ARHGAP24: variants seen among roughly 807,000 people sequenced by gnomAD.
ARHGAP24 encodes the protein rho GTPase-activating protein 24.
Under a neutral mutation model 76.4 loss-of-function variants are expected in ARHGAP24, and 50 were observed. The observed-to-expected ratio is 0.65, with a 90% CI of 0.52 to 0.83. The LOEUF is 0.83. Ranked by LOEUF, ARHGAP24 falls within the 40% of genes least tolerant of loss-of-function variation. The pLI is 0.00. For synonymous variants in ARHGAP24, 345 were observed against 323.3 expected (o/e 1.07, Z -0.72); for missense variants, 930 against 914.2 (o/e 1.02, Z -0.22).
intron 1 of ARHGAP24, among the ~76,000 whole-genome samples, chr4:85,567,093 C>T (rs1726880478): frequency 6.6e-6 from 1 of 152,172 alleles, no homozygotes; most frequent in East Asian, 1.9e-4. Context: ...TGATTCAGAG[C>T]CTTATAGGCC....
chr4:85,520,006 G>A (rs907977364), intron 1 of ARHGAP24, among the ~76,000 whole-genome samples: 15 of 151,908 alleles, frequency 9.9e-5, no homozygotes, highest in Non-Finnish European at 1.9e-4. Context: ...GTTTACTTTA[G>A]TGATGATTTA....
At chr4:85,872,075 G>T (rs761061898) in intron 3 of ARHGAP24, among the ~76,000 whole-genome samples, 2 of 151,276 alleles carry the variant, frequency 1.3e-5, no homozygotes, top group Non-Finnish European at 2.9e-5. Context: ...AAAAATATTC[G>T]TGAATTATTT....
Position 85,995,121 on chromosome 4 carries a change from C to G in ARHGAP24, c.1467C>G (p.Ser489Arg). The G allele has an allele frequency of 1.2e-6, 2 of 1,613,904 alleles. No individual in the cohort carries two copies. Among genetic ancestry groups the G allele is most frequent in the Non-Finnish European group, 1.7e-6 (2 of 1,179,988 alleles). The part of the protein sequence containing the change: ...NGTVRMGILN[S>R]DTLGNPTNVR... ...CGGTGCGCATGGGCATTTTGAACAGCGACACACTCGGGAACCCCACAAATG... is the reference window on the plus strand; with the variant it reads ...CGGTGCGCATGGGCATTTTGAACAGGGACACACTCGGGAACCCCACAAATG... Residue 489 changes from serine to arginine, a missense_variant, in exon 9 of 10, where the codon AGC (serine) becomes AGG (arginine). By Grantham distance (110) the Ser-to-Arg change is moderately radical (BLOSUM62 -1). Coordinates refer to ENST00000395184, the MANE Select transcript of ARHGAP24 (RefSeq NM_001025616.3).
At chr4:85,477,594 A>T (rs1424112884) in intron 1 of ARHGAP24, among the ~76,000 whole-genome samples, 3 of 152,134 alleles carry the variant, frequency 2.0e-5, no homozygotes, top group Non-Finnish European at 2.9e-5. Flanking sequence ...GTGATCTTGG[A>T]CTCTGCAGGG....
intron 3 of ARHGAP24, among the ~76,000 whole-genome samples, chr4:85,892,134 T>C (rs1733911802): frequency 1.8e-5 from 1 of 56,272 alleles, no homozygotes; most frequent in Admixed American, 1.7e-4. Flanking sequence ...CTAGATTTTC[T>C]AGTTTATTTG....
chr4:85,809,715 C>A (rs6816097), intron 3 of ARHGAP24, among the ~76,000 whole-genome samples: 2,242 of 152,230 alleles, frequency 0.015, 57 homozygotes, highest in African/African-American at 0.051. Flanking sequence ...TAAGGCTTTT[C>A]AGATCAGAGG....
chr4:85,756,752 G>A (rs1012148060), intron 3 of ARHGAP24, among the ~76,000 whole-genome samples: 18 of 152,056 alleles, frequency 1.2e-4, no homozygotes, highest in African/African-American at 4.3e-4. Context: ...AAGGTGTTTC[G>A]GCTCCTGCAG....
At chr4:85,916,963 CAGGTTAGTT>C (rs1560716039) in intron 3 of ARHGAP24, among the ~76,000 whole-genome samples, 1 of 151,890 alleles carries the variant, frequency 6.6e-6, no homozygotes, top group African/African-American at 2.4e-5. Context: ...GCACGATGTG[CAGGTTAGTT>C]ACATATGTAT....
chr4:85,735,112 C>T (rs888291860), intron 3 of ARHGAP24, among the ~76,000 whole-genome samples: 4 of 152,010 alleles, frequency 2.6e-5, no homozygotes, highest in African/African-American at 9.7e-5. Context: ...CTGTTTTTAT[C>T]TTGTTATGTA....
At chr4:85,943,656 G>T (rs1234343758) in intron 5 of ARHGAP24, among the ~76,000 whole-genome samples, 1 of 151,930 alleles carries the variant, frequency 6.6e-6, no homozygotes, top group Non-Finnish European at 1.5e-5. Context: ...TCCCCTCCCT[G>T]TGTCCATGTA....
rs560326073 is a variant in ARHGAP24 at position 85,936,499 on chromosome 4, T to A, written c.392-5567T>A. Among the ~76,000 whole-genome samples the A allele has an allele frequency of 8.5e-5, 13 of 152,254 alleles. No individual in the cohort carries two copies. In the East Asian group the frequency reaches 2.5e-3, roughly 29 times the overall value. ...TGTGGTCCTTGTGTCTGTGGCACCT[T>A]GCCTAAACCTCTCCGAAGCTCATAG... On this transcript the variant is annotated intron_variant, in intron 4 of 9. Transcript: ENST00000395184.
At chr4:85,798,936 C>T (rs971574310) in intron 3 of ARHGAP24, among the ~76,000 whole-genome samples, 1 of 151,752 alleles carries the variant, frequency 6.6e-6, no homozygotes, top group African/African-American at 2.4e-5. Flanking sequence ...TAATATTAGG[C>T]TTTAAAAGCA....
At chr4:85,817,093 C>T (rs1290563993) in intron 3 of ARHGAP24, among the ~76,000 whole-genome samples, 2 of 151,980 alleles carry the variant, frequency 1.3e-5, no homozygotes, top group Non-Finnish European at 2.9e-5. Flanking sequence ...TTCAAGTAGT[C>T]CTTTATTCAT....
chr4:85,870,563 ATTAG>A (rs1237394118), intron 3 of ARHGAP24, among the ~76,000 whole-genome samples: 2 of 152,130 alleles, frequency 1.3e-5, no homozygotes, highest in East Asian at 1.9e-4. Context: ...ATTAAATTCC[ATTAG>A]TTAGTGGAGG....
intron 9 of ARHGAP24, among the ~76,000 whole-genome samples, chr4:85,998,513 C>T (rs1475811910): frequency 6.6e-6 from 1 of 151,976 alleles, no homozygotes; most frequent in Non-Finnish European, 1.5e-5. Context: ...TTTTTTTCAT[C>T]ATCTTTTTGT....
chr4:85,972,824 T>G (rs1739068322), intron 6 of ARHGAP24, among the ~76,000 whole-genome samples: 1 of 152,220 alleles, frequency 6.6e-6, no homozygotes, highest in African/African-American at 2.4e-5. Flanking sequence ...TCCTTATAAA[T>G]GGAATCATTC....
chr4:85,587,017 T>A (rs1161264), intron 2 of ARHGAP24, among the ~76,000 whole-genome samples: 142,861 of 152,288 alleles, frequency 0.94, 67,072 homozygotes, highest in East Asian at 0.98. Context: ...ATAAGCACTG[T>A]AACTAAAGAA....
intron 3 of ARHGAP24, among the ~76,000 whole-genome samples, chr4:85,827,520 A>T (rs1035429235): frequency 2.1e-5 from 2 of 96,394 alleles, no homozygotes; most frequent in East Asian, 5.3e-4. Flanking sequence ...GTGTGTGTTT[A>T]GAGAGAGAGA....
intron 3 of ARHGAP24, among the ~76,000 whole-genome samples, chr4:85,858,223 A>T (rs1375573196): frequency 1.3e-5 from 2 of 152,094 alleles, no homozygotes; most frequent in Non-Finnish European, 2.9e-5. Context: ...GAGAGAAACA[A>T]CTCTAACATT....
Sources: gnomAD v4.1 joint callset for allele counts (sites outside exome capture counted in the v4.1 genomes callset) on GRCh38, gnomAD v4.1.1 for gene constraint, MANE v1.5 for transcripts, NCBI Gene and HGNC (gene_info 2026-07-23, HGNC 2026-07-21) for gene names.